Variants in RAB27B observed in about 807,000 individuals in gnomAD.
RAB27B encodes the protein ras-related protein Rab-27B.
Under a neutral mutation model 24.6 loss-of-function variants are expected in RAB27B, and 15 were observed. The ratio of observed to expected loss-of-function variants is 0.61; its 90% CI spans 0.41 to 0.94. The LOEUF is 0.94. Ranked by LOEUF, RAB27B falls within the 40% of genes least tolerant of loss-of-function variation. The pLI is 0.00. For synonymous variants in RAB27B, 105 were observed against 92.5 expected, an observed-to-expected ratio of 1.14 and a Z score of -0.78; for missense variants, 261 against 266.8, an observed-to-expected ratio of 0.98 and a Z score of 0.15.
intron 1 of RAB27B, among the ~76,000 whole-genome samples, chr18:54,876,925 A>T (rs1423124089): frequency 6.6e-6 from 1 of 152,086 alleles, no homozygotes; most frequent in African/African-American, 2.4e-5. Context: ...ACACAAGTCT[A>T]TAACTTTTTA....
intron 2 of RAB27B, among the ~76,000 whole-genome samples, chr18:54,800,370 A>G (rs753923426): frequency 3.9e-4 from 59 of 152,214 alleles, no homozygotes; most frequent in Non-Finnish European, 6.8e-4. Context: ...AAGAACGCAT[A>G]CATTTTTAAT....
chr18:54,844,408 C>CTTTTTTTTTTTT (rs148747981), intron 1 of RAB27B, among the ~76,000 whole-genome samples: 6 of 107,876 alleles, frequency 5.6e-5, no homozygotes, highest in African/African-American at 1.3e-4. Flanking sequence ...CTTTTCTTTT[C>CTTTTTTTTTTTT]TTTTTTTTTT....
intron 2 of RAB27B, among the ~76,000 whole-genome samples, chr18:54,720,823 A>G (rs1390326484): frequency 1.3e-5 from 2 of 152,162 alleles, no homozygotes; most frequent in East Asian, 1.9e-4. Flanking sequence ...GTCATGAAAG[A>G]TAATTCCAAT....
intron 1 of RAB27B, among the ~76,000 whole-genome samples, chr18:54,852,782 T>C (rs1911637768): frequency 6.6e-6 from 1 of 152,228 alleles, no homozygotes; most frequent in Non-Finnish European, 1.5e-5. Flanking sequence ...GTGTATATCA[T>C]ATCCATGTCT....
intron 1 of RAB27B, among the ~76,000 whole-genome samples, chr18:54,852,650 A>C: frequency 6.6e-6 from 1 of 152,166 alleles, no homozygotes; most frequent in East Asian, 1.9e-4. Flanking sequence ...CATGCCTTGG[A>C]TCACCTGAGC....
intron 1 of RAB27B, among the ~76,000 whole-genome samples, chr18:54,876,109 C>T (rs1912687552): frequency 6.6e-6 from 1 of 151,958 alleles, no homozygotes; most frequent in Non-Finnish European, 1.5e-5. Flanking sequence ...GAAAGCTAGG[C>T]ACCTTCTTCA....
intron 1 of RAB27B, among the ~76,000 whole-genome samples, chr18:54,846,208 T>C (rs554510358): frequency 1.3e-5 from 2 of 152,330 alleles, no homozygotes; most frequent in East Asian, 1.9e-4. Context: ...TGAGTTATAG[T>C]GCTGTTGACG....
chr18:54,850,355 T>TATAC (rs1568096305), intron 1 of RAB27B, among the ~76,000 whole-genome samples: 1 of 138,636 alleles, frequency 7.2e-6, no homozygotes, highest in Non-Finnish European at 1.5e-5. Flanking sequence ...TATATATATA[T>TATAC]ATATACATAC....
intron 2 of RAB27B, among the ~76,000 whole-genome samples, chr18:54,814,069 TTTAA>T (rs1313228530): frequency 2.0e-5 from 3 of 152,338 alleles, no homozygotes; most frequent in African/African-American, 4.8e-5. Flanking sequence ...TCTATTTTCA[TTTAA>T]TTAAGCACTG....
intron 1 of RAB27B, among the ~76,000 whole-genome samples, chr18:54,851,141 A>G (rs1257271019): frequency 6.6e-6 from 1 of 152,218 alleles, no homozygotes; most frequent in Non-Finnish European, 1.5e-5. Context: ...TACACTGAGA[A>G]AATCAGACTG....
intron 2 of RAB27B, among the ~76,000 whole-genome samples, chr18:54,749,770 C>T (rs375983839): frequency 2.0e-5 from 3 of 152,138 alleles, no homozygotes; most frequent in African/African-American, 7.2e-5. Flanking sequence ...AAAGGAATAA[C>T]ATTTTTCTAA....
chr18:54,773,650 A>G (rs1908623872), intron 2 of RAB27B, among the ~76,000 whole-genome samples: 1 of 152,058 alleles, frequency 6.6e-6, no homozygotes, highest in African/African-American at 2.4e-5. Context: ...ACAGAGAGAC[A>G]TAAAGCAAGA....
intron 2 of RAB27B, among the ~76,000 whole-genome samples, chr18:54,812,575 A>ACT (rs1220056646): frequency 2.6e-5 from 4 of 150,980 alleles, no homozygotes; most frequent in African/African-American, 9.8e-5. Context: ...ACACACACAC[A>ACT]CACACACACA....
At chr18:54,846,922 C>T (rs895755502) in intron 1 of RAB27B, among the ~76,000 whole-genome samples, 3 of 151,598 alleles carry the variant, frequency 2.0e-5, no homozygotes, top group African/African-American at 7.3e-5. Context: ...GTGATCTCGG[C>T]TCACTGCAAA....
At chr18:54,759,231 A>G (rs969348851) in intron 2 of RAB27B, among the ~76,000 whole-genome samples, 1 of 152,136 alleles carries the variant, frequency 6.6e-6, no homozygotes, top group Admixed American at 6.5e-5. Context: ...GATCCTTCAT[A>G]CATGAAGTCT....
At chr18:54,853,855 A>C (rs1469111095) in intron 1 of RAB27B, among the ~76,000 whole-genome samples, 1 of 151,930 alleles carries the variant, frequency 6.6e-6, no homozygotes, top group Non-Finnish European at 1.5e-5. Context: ...TTTTCACCTC[A>C]CATTATCCTC....
intron 2 of RAB27B, among the ~76,000 whole-genome samples, chr18:54,811,752 T>C (rs1909970922): frequency 6.6e-6 from 1 of 152,208 alleles, no homozygotes; most frequent in African/African-American, 2.4e-5. Context: ...AATTTCCTTG[T>C]GGACAGATTG....
At chr18:54,792,255 T>G (rs1047589700) in intron 2 of RAB27B, among the ~76,000 whole-genome samples, 13 of 152,146 alleles carry the variant, frequency 8.5e-5, no homozygotes, top group African/African-American at 2.9e-4. Context: ...CCTAGAGGTT[T>G]GAGCAGCGGG....
chr18:54,884,351 T>C lies in RAB27B; in HGVS notation c.258T>C (p.Thr86=). 6.2e-7 allele frequency: 1 copy of C among 1,612,190 alleles called. No individual in the cohort carries two copies. The highest frequency in any genetic ancestry group is 8.5e-7 in the Non-Finnish European group (1 of 1,178,432). ...AGQERFRSLT[T]AFFRDAMGFL... ...TTGGCAGGTTCCGGAGTCTCACCAC[T>C]GCATTTTTCAGAGACGCCATGGGCT... The change falls in exon 4 of 6, where the codon ACT becomes ACC. Residue 86 remains threonine (T), a synonymous_variant. Transcript: ENST00000262094.
Sources: allele counts gnomAD v4.1 joint callset (sites outside exome capture counted in the v4.1 genomes callset), GRCh38; gene constraint gnomAD v4.1.1; transcripts MANE v1.5; gene names NCBI Gene and HGNC (gene_info 2026-07-23, HGNC 2026-07-21).